The following FIGN variants were observed in gnomAD, a reference collection of about 807,000 sequenced individuals.
FIGN encodes fidgetin.
A neutral mutation model predicts 51.3 loss-of-function variants in FIGN; 11 were observed. That is an observed-to-expected ratio of 0.21 (90% confidence interval 0.13 to 0.35). The LOEUF is 0.35. Ranked by LOEUF, FIGN falls within the 10% of genes least tolerant of loss-of-function variation. The probability of loss-of-function intolerance (pLI) is 1.00; values close to 1 mark genes in which losing one functional copy is unlikely to be tolerated. For synonymous variants in FIGN, 407 were observed against 363.2 expected, an observed-to-expected ratio of 1.12 and a Z score of -1.37; for missense variants, 857 against 943.6, an observed-to-expected ratio of 0.91 and a Z score of 1.20.
At chr2:163,652,689 T>C (rs983612831) in intron 2 of FIGN, among the ~76,000 whole-genome samples, 3 of 152,168 alleles carry the variant, frequency 2.0e-5, no homozygotes, top group Non-Finnish European at 4.4e-5. Context: ...CTCCTATCTG[T>C]TGGGCTTCAC....
intron 2 of FIGN, among the ~76,000 whole-genome samples, chr2:163,695,416 A>G (rs1684302470): frequency 6.6e-6 from 1 of 152,116 alleles, no homozygotes. Context: ...ACCTTCTCTT[A>G]TTAGTGATGC....
chr2:163,718,425 T>C (rs1465227967), intron 2 of FIGN, among the ~76,000 whole-genome samples: 3 of 152,186 alleles, frequency 2.0e-5, no homozygotes, highest in South Asian at 2.1e-4. Context: ...TATAAGAATA[T>C]ATTATATCTG....
At chr2:163,633,506 A>C (rs1683179843) in intron 2 of FIGN, among the ~76,000 whole-genome samples, 2 of 152,336 alleles carry the variant, frequency 1.3e-5, no homozygotes, top group East Asian at 1.9e-4. Flanking sequence ...CAGCTCAAGC[A>C]CTTACAGCTT....
chr2:163,691,458 A>G (rs1296283578), intron 2 of FIGN, among the ~76,000 whole-genome samples: 1 of 152,158 alleles, frequency 6.6e-6, no homozygotes, highest in Non-Finnish European at 1.5e-5. Context: ...ATCTAGTTCC[A>G]GGAGGCACCT....
chr2:163,642,925 T>C (rs939998366), intron 2 of FIGN, among the ~76,000 whole-genome samples: 9 of 152,206 alleles, frequency 5.9e-5, no homozygotes. Flanking sequence ...TGCTCCTGGA[T>C]TGAAAGACTC....
intron 2 of FIGN, among the ~76,000 whole-genome samples, chr2:163,666,529 G>A (rs1683776630): frequency 6.6e-6 from 1 of 152,060 alleles, no homozygotes; most frequent in East Asian, 1.9e-4. Flanking sequence ...TTAATTTACT[G>A]CATTACTTTC....
intron 2 of FIGN, among the ~76,000 whole-genome samples, chr2:163,639,532 T>C (rs1683276081): frequency 6.6e-6 from 1 of 152,160 alleles, no homozygotes; most frequent in African/African-American, 2.4e-5. Flanking sequence ...TACAGTGCTC[T>C]GAGGCCAATA....
At chr2:163,697,098 TTCTTTC>T (rs1357629766) in intron 2 of FIGN, among the ~76,000 whole-genome samples, 1 of 130,594 alleles carries the variant, frequency 7.7e-6, no homozygotes, top group African/African-American at 3.4e-5. Context: ...TTCTTTTCTT[TTCTTTC>T]TTTTTTTTTT....
chr2:163,672,579 C>A (rs1553499462), intron 2 of FIGN, among the ~76,000 whole-genome samples: 2 of 152,124 alleles, frequency 1.3e-5, no homozygotes, highest in Non-Finnish European at 2.9e-5. Flanking sequence ...GAGGAGGAAT[C>A]CATAGATGAT....
chr2:163,671,687 T>G (rs942585476), intron 2 of FIGN, among the ~76,000 whole-genome samples: 4 of 152,300 alleles, frequency 2.6e-5, no homozygotes, highest in Middle Eastern at 3.4e-3. Context: ...TTGCAGTTTT[T>G]TGTAACTAGA....
chr2:163,698,869 C>T (rs1043789161), intron 2 of FIGN, among the ~76,000 whole-genome samples: 1 of 152,090 alleles, frequency 6.6e-6, no homozygotes, highest in Non-Finnish European at 1.5e-5. Context: ...GTAAGAAAGA[C>T]GTTTCTTAAA....
chr2:163,610,183 A>T lies in FIGN; in HGVS notation c.1649T>A (p.Ile550Asn). The T allele has an allele frequency of 6.2e-7, 1 of 1,614,098 alleles. No individual in the cohort carries two copies. The highest frequency in any genetic ancestry group is 8.5e-7 in the Non-Finnish European group (1 of 1,179,994). The change falls in exon 3 of 3, where the codon ATT becomes AAT. Residue 550 changes from isoleucine to asparagine, a missense_variant. Physicochemically the swap from Ile to Asn is moderately radical, Grantham distance 149. Transcript: ENST00000333129. Reference sequence around the variant, plus strand: ...CTTGGCGACTAGTCCAGAACCGGCAATTTTGAAAAATGTGGCCCCCAGCTG... The same window carrying T: ...CTTGGCGACTAGTCCAGAACCGGCATTTTTGAAAAATGTGGCCCCCAGCTG... ...ASQLGATFFK[I>N]AGSGLVAKWL...
At chr2:163,665,311 T>G (rs969726140) in intron 2 of FIGN, among the ~76,000 whole-genome samples, 1 of 152,264 alleles carries the variant, frequency 6.6e-6, no homozygotes, top group South Asian at 2.1e-4. Context: ...CCATTCTTCA[T>G]GTAAGAAAGG....
At chr2:163,695,657 C>A (rs1478466779) in intron 2 of FIGN, among the ~76,000 whole-genome samples, 1 of 152,192 alleles carries the variant, frequency 6.6e-6, no homozygotes, top group Admixed American at 6.5e-5. Context: ...CCATCCTGGG[C>A]AAACTAAGAT....
At chr2:163,650,198 A>G (rs188141893) in intron 2 of FIGN, among the ~76,000 whole-genome samples, 2 of 152,242 alleles carry the variant, frequency 1.3e-5, no homozygotes, top group East Asian at 3.9e-4. Flanking sequence ...ACTAATCATC[A>G]TTATTATTGA....
chr2:163,655,089 C>G (rs1683538426), intron 2 of FIGN, among the ~76,000 whole-genome samples: 2 of 151,754 alleles, frequency 1.3e-5, no homozygotes, highest in African/African-American at 2.4e-5. Flanking sequence ...TGTACATACT[C>G]AAGAGACGTT....
At chr2:163,616,629 G>T (rs910599388) in intron 2 of FIGN, among the ~76,000 whole-genome samples, 2 of 152,056 alleles carry the variant, frequency 1.3e-5, no homozygotes, top group Admixed American at 6.6e-5. Flanking sequence ...ACACAGGCCT[G>T]CATGACAACA....
At chr2:163,641,057 C>T (rs1044106853) in intron 2 of FIGN, among the ~76,000 whole-genome samples, 1 of 152,184 alleles carries the variant, frequency 6.6e-6, no homozygotes, top group African/African-American at 2.4e-5. Context: ...CAACTCTTAA[C>T]ATTAAACGTG....
At chr2:163,669,188 T>C (rs1683836565) in intron 2 of FIGN, among the ~76,000 whole-genome samples, 1 of 152,042 alleles carries the variant, frequency 6.6e-6, no homozygotes, top group Non-Finnish European at 1.5e-5. Flanking sequence ...ACATAACTAA[T>C]AACAACTAAA....
Sources: allele counts gnomAD v4.1 joint callset (sites outside exome capture counted in the v4.1 genomes callset), GRCh38; gene constraint gnomAD v4.1.1; transcripts MANE v1.5; gene names NCBI Gene and HGNC (gene_info 2026-07-23, HGNC 2026-07-21).